SRP68: variants seen among roughly 807,000 people sequenced by gnomAD.
The protein encoded by SRP68 is signal recognition particle subunit SRP68.
SRP68 carries 15 observed loss-of-function variants against 82.2 expected under a neutral mutation model. The observed-to-expected ratio is 0.18, with a 90% CI of 0.12 to 0.28. SRP68 has a LOEUF of 0.28. Among genes scored for constraint, SRP68 ranks in the 10% least tolerant of loss-of-function variants. The probability of loss-of-function intolerance (pLI) is 1.00; values close to 1 mark genes in which losing one functional copy is unlikely to be tolerated. For missense variants in SRP68, 595 were observed against 780.5 expected (o/e 0.76, Z 2.83); for synonymous variants, 261 against 292.6 (o/e 0.89, Z 1.10).
intron 8 of SRP68, among the ~76,000 whole-genome samples, chr17:76,056,736 T>C (rs753931830): frequency 6.6e-6 from 1 of 152,224 alleles, no homozygotes; most frequent in Non-Finnish European, 1.5e-5. Flanking sequence ...GAAATGCCAC[T>C]GTTCCCTGAT....
At chr17:76,043,656 G>A in intron 13 of SRP68, 173 bp downstream of exon 13, 1 of 539,962 alleles carries the variant, frequency 1.9e-6, no homozygotes, top group Non-Finnish European at 3.0e-6. Context: ...CTGGAGCACA[G>A]CCATGAGTGA....
At chr17:76,055,778 A>G (rs1315727420) in intron 8 of SRP68, among the ~76,000 whole-genome samples, 1 of 150,990 alleles carries the variant, frequency 6.6e-6, no homozygotes, top group Non-Finnish European at 1.5e-5. Flanking sequence ...ATGTGTATTT[A>G]AACTTTAAGT....
intron 8 of SRP68, among the ~76,000 whole-genome samples, chr17:76,051,919 T>C (rs1193015260): frequency 6.6e-6 from 1 of 152,264 alleles, no homozygotes; most frequent in Non-Finnish European, 1.5e-5. Flanking sequence ...TATTATTTTA[T>C]GTTTTTGAGA....
rs1217262621 is a variant in SRP68, at chr17:76,067,886, C to T, written c.252-556G>A. 3.3e-5 allele frequency among the ~76,000 whole-genome samples: 5 copies of T among 152,190 alleles called. No homozygotes were observed. The South Asian group carries it at 1.0e-3, about 31-fold the overall frequency. ...AACCCACATTAAAATTGAGTAGAAT[C>T]ATGCAGAGAAAATGGCAACCAAGAA... On this transcript the variant is annotated intron_variant, in intron 2 of 15. Transcript: ENST00000307877.
chr17:76,052,375 T>C (rs183136562), intron 8 of SRP68, among the ~76,000 whole-genome samples: 319 of 152,180 alleles, frequency 2.1e-3, no homozygotes, highest in Non-Finnish European at 1.9e-3. Context: ...TGCCGCCATA[T>C]AATACTCAGC....
At chr17:76,054,956 G>C (rs568810780) in intron 8 of SRP68, among the ~76,000 whole-genome samples, 8 of 152,052 alleles carry the variant, frequency 5.3e-5, no homozygotes, top group African/African-American at 1.9e-4. Context: ...GAGACAATAG[G>C]CTGATCTTTT....
At chr17:76,044,228 A>G (rs1318137293) in intron 12 of SRP68, among the ~76,000 whole-genome samples, 1 of 152,204 alleles carries the variant, frequency 6.6e-6, no homozygotes, top group Non-Finnish European at 1.5e-5. Context: ...ACAGTTCCCA[A>G]AAGGAGCATG....
chr17:76,043,780 A>G (rs746746537), intron 13 of SRP68, 49 bp downstream of exon 13: 1 of 1,531,980 alleles, frequency 6.5e-7, no homozygotes, highest in Admixed American at 2.2e-5. Flanking sequence ...TCCACAGCTG[A>G]CTCCATAACC....
At chr17:76,040,297 G>A (rs1445508440) in intron 15 of SRP68, 122 bp downstream of exon 15, 9 of 943,782 alleles carry the variant, frequency 9.5e-6, no homozygotes, top group Non-Finnish European at 1.4e-5. Context: ...TTGGGTAAGA[G>A]AAGGGAGGGA....
intron 8 of SRP68, among the ~76,000 whole-genome samples, chr17:76,057,035 C>A (rs2066718307): frequency 6.6e-6 from 1 of 152,158 alleles, no homozygotes; most frequent in African/African-American, 2.4e-5. Context: ...AAGAGGTGAA[C>A]CCTTTAGGGC....
rs1397570023 is a variant in SRP68, at chr17:76,047,900, C to G, written c.1142+6G>C. The G allele has an allele frequency of 5.3e-6, 8 of 1,495,688 alleles. No individual in the cohort carries two copies. Among genetic ancestry groups the G allele is most frequent in the Admixed American group, 3.8e-5 (2 of 52,302 alleles). 92.7% of individuals were successfully genotyped at this position (1,495,688 alleles called of 1,614,324 possible). On this transcript the variant is annotated splice_donor_region_variant and intron_variant, in intron 10 of 15. Transcript: ENST00000307877. ...TAAAAAGTAAAAAAATTAAAATAACCCTTACCTATGCAAGTATTGAAGATT... is the reference window on the plus strand; with the variant it reads ...TAAAAAGTAAAAAAATTAAAATAACGCTTACCTATGCAAGTATTGAAGATT...
intron 2 of SRP68, among the ~76,000 whole-genome samples, chr17:76,068,808 T>G (rs1344110044): frequency 6.6e-6 from 1 of 152,098 alleles, no homozygotes; most frequent in Non-Finnish European, 1.5e-5. Context: ...ATGTTGCTGT[T>G]GCCCAGGCTG....
intron 13 of SRP68, among the ~76,000 whole-genome samples, chr17:76,042,804 C>G (rs1042224665): frequency 6.6e-6 from 1 of 152,064 alleles, no homozygotes; most frequent in African/African-American, 2.4e-5. Context: ...AGGCTGGTCT[C>G]GAACTCCTTA....
intron 8 of SRP68, among the ~76,000 whole-genome samples, chr17:76,056,886 G>A (rs2066717316): frequency 6.6e-6 from 1 of 152,158 alleles, no homozygotes; most frequent in Non-Finnish European, 1.5e-5. Context: ...GACGCATTTG[G>A]TTGTTTGTAC....
chr17:76,062,578 CATTATATAATATATAATATACATTATAT>C (rs2066764415), intron 4 of SRP68, among the ~76,000 whole-genome samples: 5 of 36,320 alleles, frequency 1.4e-4, no homozygotes, highest in South Asian at 1.4e-3. Context: ...ATATAATATA[CATTATATAATATATAATATACATTATAT>C]ATTATATAAT....
chr17:76,072,252 A>C lies in SRP68; in HGVS notation c.184+56T>G. ...GGGACCCGCCGCCTCTCCCGCCCCCAGCCCTCCAGTTCGACACGTAATCAT... is the reference window on the plus strand; with the variant it reads ...GGGACCCGCCGCCTCTCCCGCCCCCCGCCCTCCAGTTCGACACGTAATCAT... On this transcript the variant is annotated intron_variant, in intron 1 of 15. Coordinates refer to ENST00000307877, the MANE Select transcript of SRP68 (RefSeq NM_014230.4). The surrounding 1 kb of genome is among the most constrained non-coding windows in gnomAD (Gnocchi z 4.5). 1.9e-6 allele frequency: 3 copies of C among 1,595,214 alleles called. No individual in the cohort carries two copies. The highest frequency in any genetic ancestry group is 4.7e-5 in the East Asian group (2 of 42,514).
intron 1 of SRP68, 95 bp from the exon 2 acceptor site, chr17:76,070,539 A>G (rs1245804326): frequency 4.6e-6 from 5 of 1,082,590 alleles, no homozygotes; most frequent in Non-Finnish European, 7.0e-6. Context: ...ACCACAACAC[A>G]TTAAACATTT....
intron 11 of SRP68, 23 bp downstream of exon 11, chr17:76,046,015 C>A: frequency 6.2e-7 from 1 of 1,613,162 alleles, no homozygotes; most frequent in Non-Finnish European, 8.5e-7. Context: ...CAGGCCCTTG[C>A]CTTCCCGGTC....
chr17:76,045,657 G>C (rs1038753652), intron 11 of SRP68, among the ~76,000 whole-genome samples: 1 of 152,158 alleles, frequency 6.6e-6, no homozygotes, highest in African/African-American at 2.4e-5. Flanking sequence ...GAAGGGATCT[G>C]TTCCAGCGCT....
Sources: allele counts gnomAD v4.1 joint callset (sites outside exome capture counted in the v4.1 genomes callset), GRCh38; gene constraint gnomAD v4.1.1; non-coding constraint Gnocchi (gnomAD v3.1); transcripts MANE v1.5; gene names NCBI Gene and HGNC (gene_info 2026-07-23, HGNC 2026-07-21).